MSN: variants seen among roughly 807,000 people sequenced by gnomAD.
MSN encodes moesin.
Under a neutral mutation model 48.0 loss-of-function variants are expected in MSN, and 2 were observed. That is an observed-to-expected ratio of 0.04 (90% CI 0.02 to 0.13). MSN has a LOEUF of 0.13. Among genes scored for constraint, MSN ranks in the 10% least tolerant of loss-of-function variants. MSN has a pLI of 1.00. For missense variants in MSN, 267 were observed against 470.1 expected (o/e 0.57, Z 3.99); for synonymous variants, 146 against 166.9 (o/e 0.87, Z 0.97).
At chrX:65,615,219 C>A (rs1380176389) in intron 1 of MSN, among the ~76,000 whole-genome samples, 2 of 109,365 alleles carry the variant, frequency 1.8e-5, no homozygotes, top group African/African-American at 6.8e-5. Context: ...GGTATATACC[C>A]AGTAATGGGA....
rs774396765 is a variant in MSN at position 65,737,193 on chromosome X, C to G, written c.1106C>G (p.Thr369Ser). ...TTCTGCTCAGAACTGGAAGAACAGA[C>G]CCGTAGGGCTCTGGAACTTGAGCAG... ...KKAQQELEEQ[T>S]RRALELEQER... Residue 369 changes from threonine (T) to serine (S), a missense_variant, in exon 10 of 13, where the codon ACC becomes AGC. This residue lies in a region of MSN where 70 missense variants were observed against 76.3 expected (regional missense o/e 0.92). Coordinates refer to ENST00000360270, the MANE Select transcript of MSN (RefSeq NM_002444.3). 43 of 1,203,685 alleles carry G rather than the reference C, an allele frequency of 3.6e-5. No individual in the cohort carries two copies. Among genetic ancestry groups the G allele is most frequent in the Admixed American group, 4.4e-5 (2 of 45,034 alleles).
intron 1 of MSN, among the ~76,000 whole-genome samples, chrX:65,615,820 A>G (rs1264727292): frequency 9.0e-6 from 1 of 111,665 alleles, no homozygotes; most frequent in Non-Finnish European, 1.9e-5. Context: ...GTTTTCTTCT[A>G]GGGTTTTTGT....
chrX:65,614,674 T>C (rs1160735666), intron 1 of MSN, among the ~76,000 whole-genome samples: 1 of 106,266 alleles, frequency 9.4e-6, no homozygotes, highest in Non-Finnish European at 1.9e-5. Context: ...TCTGTTTTTT[T>C]TTTTCTTTTA....
chrX:65,669,369 C>T (rs1194912127), intron 1 of MSN, among the ~76,000 whole-genome samples: 1 of 111,140 alleles, frequency 9.0e-6, no homozygotes, highest in Non-Finnish European at 1.9e-5. Context: ...GGGTGGATCT[C>T]TGGGAATAGA....
chrX:65,666,378 G>A (rs2070870045), upstream of MSN, among the ~76,000 whole-genome samples: 3 of 109,481 alleles, frequency 2.7e-5, no homozygotes, highest in Admixed American at 2.9e-4. Context: ...CCTGGCTGGA[G>A]TGCACTGGCT....
chrX:65,643,498 A>G (rs1434859467), intron 1 of MSN, among the ~76,000 whole-genome samples: 1 of 111,498 alleles, frequency 9.0e-6, no homozygotes, highest in Admixed American at 9.6e-5. Context: ...TCCTAGGCCC[A>G]GCGCACATTC....
At chrX:65,713,036 T>C (rs543254232) in intron 1 of MSN, among the ~76,000 whole-genome samples, 1 of 111,288 alleles carries the variant, frequency 9.0e-6, no homozygotes, top group African/African-American at 3.3e-5. Flanking sequence ...AGGGTGATTA[T>C]TGATATTAAA....
rs2071539759 is a variant in MSN, at chrX:65,723,816, T to C, written c.97-3998T>C. Among the ~76,000 whole-genome samples the C allele has an allele frequency of 8.1e-5, 9 of 111,479 alleles. No individual in the cohort carries two copies. In the South Asian group the frequency reaches 3.4e-3, roughly 42 times the overall value. On this transcript the variant is annotated intron_variant, in intron 2 of 12. Transcript: ENST00000360270. ...ATCCATTTTTGTTCTTTGTTCTTTT[T>C]CAGTTTCAATTCTGATTTCAGACCA...
At position 65,616,179 on chromosome X, in the gene MSN, G is replaced by C. The variant is rs191110846; in HGVS notation, c.-22+27567G>C. On this transcript the variant is annotated intron_variant, in intron 1 of 3. Transcript: ENST00000609672. Reference sequence around the variant, plus strand: ...TGTTCTTTTGGCTTAGGATTGCTTTGGTGATGTGGGCTCTTTTTTGGTTCC... The same window carrying C: ...TGTTCTTTTGGCTTAGGATTGCTTTCGTGATGTGGGCTCTTTTTTGGTTCC... Among the ~76,000 whole-genome samples, 11 of 111,379 alleles carry C rather than the reference G, an allele frequency of 9.9e-5. No homozygotes were observed. In the East Asian group the frequency reaches 2.5e-3, roughly 26 times the overall value.
intron 1 of MSN, among the ~76,000 whole-genome samples, chrX:65,692,815 G>T (rs1429297886): frequency 1.4e-4 from 15 of 110,954 alleles, no homozygotes; most frequent in African/African-American, 4.9e-4. Flanking sequence ...GAATAGCTGG[G>T]ATTACAGGCG....
rs184520172 is a variant in MSN, at chrX:65,629,526, A to C, written c.-22+40914A>C. On this transcript the variant is annotated intron_variant, in intron 1 of 3. Transcript: ENST00000609672. The stretch of plus-strand genomic sequence containing the variant: ...CAGTTTACTGTATTAGTCTGTTTTC[A>C]TGCTGCTGATAAAGACATACCCGAG... Among the ~76,000 whole-genome samples, 74 of 111,595 alleles carry C rather than the reference A, an allele frequency of 6.6e-4. 1 individual carries two copies. In the East Asian group the frequency reaches 0.02, roughly 30 times the overall value.
chrX:65,740,101 A>G lies in MSN; in HGVS notation c.*208A>G, dbSNP rs779239241. The G allele has an allele frequency of 3.0e-4, 106 of 354,106 alleles. 1 individual carries two copies. The highest frequency in any genetic ancestry group is 4.8e-4 in the Non-Finnish European group (95 of 199,857). The allele number at this position is 354,106 out of a possible 1,213,427, so 29.2% of individuals were successfully genotyped here. A position where few individuals can be genotyped will look rare whatever the true frequency, so the allele number is the denominator to read the frequency against. ...AAATGAATGGCTCACTATGGTGCCA[A>G]TGGAACCTCCTTTCTCTTCTCTGTT... is the stretch of plus-strand genomic sequence containing the variant. On this transcript the variant is annotated 3_prime_UTR_variant, in exon 13 of 13. Coordinates refer to ENST00000360270, the MANE Select transcript of MSN (RefSeq NM_002444.3).
chrX:65,685,337 G>GT (rs1284471675), intron 1 of MSN, among the ~76,000 whole-genome samples: 1 of 111,420 alleles, frequency 9.0e-6, no homozygotes, highest in Non-Finnish European at 1.9e-5. Flanking sequence ...CTGTTTTGTG[G>GT]TTTTGCCAGC....
intron 1 of MSN, among the ~76,000 whole-genome samples, chrX:65,680,194 C>T (rs749610404): frequency 1.8e-5 from 2 of 111,698 alleles, no homozygotes; most frequent in Admixed American, 1.9e-4. Flanking sequence ...TAAAACTCAG[C>T]ATGGCATATG....
At chrX:65,739,273 G>T (rs2071711861) in intron 12 of MSN, 79 bp downstream of exon 12, 2 of 965,828 alleles carry the variant, frequency 2.1e-6, no homozygotes, top group Non-Finnish European at 2.9e-6. Flanking sequence ...ACCATCATGG[G>T]GGATAGGTAT....
At chrX:65,608,337 G>C (rs923530195) in intron 1 of MSN, among the ~76,000 whole-genome samples, 1 of 111,562 alleles carries the variant, frequency 9.0e-6, no homozygotes, top group Admixed American at 9.6e-5. Flanking sequence ...CTAGAACACA[G>C]TTGTGACTGT....
intron 1 of MSN, among the ~76,000 whole-genome samples, chrX:65,628,480 G>A (rs984293512): frequency 1.8e-5 from 2 of 111,799 alleles, no homozygotes. Flanking sequence ...CTGGGACACA[G>A]GGCACCAAGT....
intron 1 of MSN, among the ~76,000 whole-genome samples, chrX:65,674,268 G>A (rs993760628): frequency 4.5e-5 from 5 of 111,396 alleles, no homozygotes; most frequent in African/African-American, 1.6e-4. Flanking sequence ...TTCATAGCCA[G>A]AGGGGTTAGG....
At chrX:65,697,099 C>T (rs1387955091) in intron 1 of MSN, among the ~76,000 whole-genome samples, 1 of 110,066 alleles carries the variant, frequency 9.1e-6, no homozygotes, top group Non-Finnish European at 1.9e-5. Context: ...TTTGAGACTA[C>T]TCTCAAAAAA....
Sources: gnomAD v4.1 joint callset for allele counts (sites outside exome capture counted in the v4.1 genomes callset) on GRCh38, gnomAD v4.1.1 for gene constraint, gnomAD v4.1.1 regional missense constraint, MANE v1.5 for transcripts, NCBI Gene and HGNC (gene_info 2026-07-23, HGNC 2026-07-21) for gene names.